Variants in NCOR2 observed in about 807,000 individuals in gnomAD.
NCOR2 encodes nuclear receptor corepressor 2.
A neutral mutation model predicts 262.9 loss-of-function variants in NCOR2; 81 were observed. The observed-to-expected ratio is 0.31, with a 90% CI of 0.26 to 0.37. The LOEUF (loss-of-function observed/expected upper bound fraction) is 0.37, where lower values mean the gene tolerates loss of function less well. NCOR2 is among the 10% of genes least tolerant of loss of function. The pLI, the probability that NCOR2 is intolerant of heterozygous loss-of-function variation, is 1.00. For synonymous variants in NCOR2, 1,659 were observed against 1,559.3 expected (o/e 1.06, Z -1.51); for missense variants, 3,385 against 3,621.4 (o/e 0.93, Z 1.68).
At chr12:124,442,432 G>A (rs1407311871) in intron 7 of NCOR2, among the ~76,000 whole-genome samples, 1 of 152,248 alleles carries the variant, frequency 6.6e-6, no homozygotes, top group East Asian at 1.9e-4. Context: ...GGGCCACCAT[G>A]GCAGGCCCTA....
intron 13 of NCOR2, among the ~76,000 whole-genome samples, chr12:124,413,419 T>G (rs1263949900): frequency 6.6e-6 from 1 of 152,138 alleles, no homozygotes; most frequent in Non-Finnish European, 1.5e-5. Flanking sequence ...AGGCACTGAA[T>G]AAATGCCCCC....
intron 21 of NCOR2, among the ~76,000 whole-genome samples, chr12:124,362,660 T>G (rs2038693664): frequency 6.9e-6 from 1 of 144,642 alleles, no homozygotes; most frequent in African/African-American, 2.7e-5. Flanking sequence ...TGCCTGGTGG[T>G]GAACAGGGGG....
intron 41 of NCOR2, among the ~76,000 whole-genome samples, chr12:124,333,670 C>T (rs1409342267): frequency 2.7e-5 from 4 of 149,212 alleles, no homozygotes; most frequent in African/African-American, 7.3e-5. Flanking sequence ...CCCCCCCCGC[C>T]CCCACCAAAA....
At position 124,340,752 on chromosome 12, in the gene NCOR2, C is replaced by G; in HGVS notation, c.5189-1G>C. On this transcript the variant is annotated splice_acceptor_variant, in intron 34 of 46. Transcript: ENST00000405201. LOFTEE classifies it high-confidence loss of function. The stretch of plus-strand genomic sequence containing the variant: ...GGCACTTGGGACAGGTCGATGATGC[C>G]TGCGGGAGGTGTTGGGCCAGGGCTG... 1 of 1,534,658 alleles carries G rather than the reference C, an allele frequency of 6.5e-7. No individual in the cohort carries two copies. Among genetic ancestry groups the G allele is most frequent in the South Asian group, 1.3e-5 (1 of 78,212 alleles).
intron 10 of NCOR2, 91 bp downstream of exon 12, chr12:124,429,521 AC>A: frequency 7.3e-7 from 1 of 1,376,842 alleles, no homozygotes; most frequent in South Asian, 1.3e-5. Context: ...GACGTAAACC[AC>A]CCGGGAGGTG....
At chr12:124,336,278 G>A (rs966344443) in intron 38 of NCOR2, 2 of 166,598 alleles carry the variant, frequency 1.2e-5, no homozygotes, top group Non-Finnish European at 2.6e-5. Context: ...CAGCCGGCAG[G>A]TGGGGGCGTA....
intron 1 of NCOR2, among the ~76,000 whole-genome samples, chr12:124,557,545 A>T (rs561207909): frequency 6.6e-6 from 1 of 152,340 alleles, no homozygotes; most frequent in Admixed American, 6.5e-5. Context: ...CTTCTTAATT[A>T]AACGCATCCA....
At chr12:124,395,494 G>T (rs2041595190) in intron 16 of NCOR2, among the ~76,000 whole-genome samples, 1 of 152,188 alleles carries the variant, frequency 6.6e-6, no homozygotes, top group South Asian at 2.1e-4. Flanking sequence ...CGGCCCCCAG[G>T]GGACGCTCAC....
intron 11 of NCOR2, among the ~76,000 whole-genome samples, chr12:124,425,231 A>G (rs1244090): frequency 0.85 from 129,715 of 151,956 alleles, 55,634 homozygotes; most frequent in East Asian, 0.93. Context: ...AAAATTAGCC[A>G]GGCATGGTGG....
At chr12:124,479,613 T>C (rs963651028) in intron 3 of NCOR2, among the ~76,000 whole-genome samples, 2 of 152,196 alleles carry the variant, frequency 1.3e-5, no homozygotes, top group Non-Finnish European at 2.9e-5. Context: ...CTGCTATCCA[T>C]CCAGGCCCCA....
chr12:124,429,540 G>A, intron 10 of NCOR2, 73 bp downstream of exon 12: 1 of 1,484,196 alleles, frequency 6.7e-7, no homozygotes, highest in Non-Finnish European at 9.2e-7. Flanking sequence ...GTGGTTTCTG[G>A]CTAGGGCCTC....
At chr12:124,343,112 G>A (rs1245771214) in exon 33 of NCOR2, 2 of 1,612,496 alleles carry the variant, frequency 1.2e-6, no homozygotes, top group Non-Finnish European at 1.7e-6. Context: ...GTGCTCATAG[G>A]GCGAGATGGG....
In NCOR2 at chr12:124,346,593, GC is replaced by G; in HGVS notation, c.4329del (p.Arg1444GlyfsTer49). 6.3e-7 allele frequency: 1 copy of G among 1,577,180 alleles called. No individual in the cohort carries two copies. ...GTGATGGAGCCCTCCTTGAGCGGCCGCGGGGCCAGGGGCAGCTCGGGCGTGT... is the reference window on the plus strand; with the variant it reads ...GTGATGGAGCCCTCCTTGAGCGGCCGGGGGCCAGGGGCAGCTCGGGCGTGT... On this transcript the variant is annotated frameshift_variant, in exon 31 of 47. Transcript: ENST00000405201. LOFTEE classifies it high-confidence loss of function.
chr12:124,354,043 G>GC, intron 27 of NCOR2, 50 bp downstream of exon 29: 1 of 1,514,322 alleles, frequency 6.6e-7, no homozygotes, highest in Non-Finnish European at 9.0e-7. Context: ...AGATGGGCTG[G>GC]CCCCGTGCTG....
At chr12:124,541,561 T>A in intron 1 of NCOR2, among the ~76,000 whole-genome samples, 1 of 12,960 alleles carries the variant, frequency 7.7e-5, no homozygotes, top group Non-Finnish European at 1.4e-4. Flanking sequence ...TGGAGGGGTA[T>A]GAGGAGTGGA....
chr12:124,484,590 C>T (rs10846680), intron 2 of NCOR2, among the ~76,000 whole-genome samples: 76,994 of 152,128 alleles, frequency 0.51, 20,768 homozygotes, highest in Non-Finnish European at 0.58. Flanking sequence ...GCCTGGCCCT[C>T]GCTGTCCCGC....
rs114773929 is a variant in NCOR2 at position 124,365,311 on chromosome 12, T to C, written c.2808-1512A>G. On this transcript the variant is annotated intron_variant, in intron 20 of 46. Transcript: ENST00000405201. ...CACAGTGACGACGTCCTATGCAGAC[T>C]ATAAGTCACAGCCTACTGGCCTCGA... is the stretch of plus-strand genomic sequence containing the variant. Among the ~76,000 whole-genome samples, 498 of 152,322 alleles carry C rather than the reference T, an allele frequency of 3.3e-3. 3 individuals are homozygous for C. Among genetic ancestry groups the C allele is most frequent in the African/African-American group, 0.011 (465 of 41,568 alleles).
chr12:124,486,827 T>A (rs1016361811), intron 1 of NCOR2, among the ~76,000 whole-genome samples: 1 of 152,144 alleles, frequency 6.6e-6, no homozygotes, highest in African/African-American at 2.4e-5. Context: ...GGACCCACGA[T>A]CACGCCCACC....
At chr12:124,462,072 A>C (rs921839887) in intron 5 of NCOR2, among the ~76,000 whole-genome samples, 1 of 152,068 alleles carries the variant, frequency 6.6e-6, no homozygotes, top group Non-Finnish European at 1.5e-5. Flanking sequence ...GCTGACTCTT[A>C]CTCTAAGTAT....
Sources: gnomAD v4.1 joint callset for allele counts (sites outside exome capture counted in the v4.1 genomes callset) on GRCh38, gnomAD v4.1.1 for gene constraint, MANE v1.5 for transcripts, NCBI Gene and HGNC (gene_info 2026-07-23, HGNC 2026-07-21) for gene names.